CACNB4: variants seen among roughly 807,000 people sequenced by gnomAD.
CACNB4 encodes the protein voltage-dependent L-type calcium channel subunit beta-4.
A neutral mutation model predicts 71.2 loss-of-function variants in CACNB4; 32 were observed. The observed-to-expected ratio is 0.45, with a 90% confidence interval of 0.34 to 0.60. The LOEUF (loss-of-function observed/expected upper bound fraction) is 0.60, where lower values mean the gene tolerates loss of function less well. Among genes scored for constraint, CACNB4 ranks in the 20% least tolerant of loss-of-function variants. The probability of loss-of-function intolerance (pLI) is 0.01; values close to 1 mark genes in which losing one functional copy is unlikely to be tolerated. For synonymous variants in CACNB4, 231 were observed against 236.9 expected, an observed-to-expected ratio of 0.97 and a Z score of 0.23; for missense variants, 464 against 647.9, an observed-to-expected ratio of 0.72 and a Z score of 3.08.
intron 2 of CACNB4, among the ~76,000 whole-genome samples, chr2:152,061,204 C>T (rs547835830): frequency 1.3e-5 from 2 of 151,826 alleles, no homozygotes; most frequent in South Asian, 2.1e-4. Context: ...CCCAGCTACT[C>T]GGGAGGCTAG....
intron 2 of CACNB4, among the ~76,000 whole-genome samples, chr2:151,905,277 G>A (rs1347300413): frequency 6.6e-6 from 1 of 152,130 alleles, no homozygotes; most frequent in African/African-American, 2.4e-5. Flanking sequence ...GCTACTCATT[G>A]CCATTTCATT....
At chr2:152,034,740 C>T (rs1003425443) in intron 2 of CACNB4, among the ~76,000 whole-genome samples, 14 of 152,280 alleles carry the variant, frequency 9.2e-5, no homozygotes, top group African/African-American at 3.4e-4. Flanking sequence ...ACAGCACCCC[C>T]ACAGTGCTCT....
intron 12 of CACNB4, among the ~76,000 whole-genome samples, chr2:151,847,099 CAAAA>C (rs397766580): frequency 2.3e-4 from 18 of 79,770 alleles, no homozygotes; most frequent in African/African-American, 5.2e-4. Flanking sequence ...AAACTGACAC[CAAAA>C]AAAAAAAAAA....
intron 2 of CACNB4, among the ~76,000 whole-genome samples, chr2:152,088,634 C>A (rs1391851792): frequency 6.6e-6 from 1 of 152,182 alleles, no homozygotes; most frequent in Non-Finnish European, 1.5e-5. Flanking sequence ...GAAATAGACA[C>A]GATTTGTCAT....
intron 2 of CACNB4, among the ~76,000 whole-genome samples, chr2:152,041,615 G>A (rs562830787): frequency 6.6e-6 from 1 of 152,254 alleles, no homozygotes; most frequent in South Asian, 2.1e-4. Context: ...ACTGCAGGAA[G>A]AAAGAAGCAT....
chr2:151,984,269 T>C (rs927158017), intron 2 of CACNB4, among the ~76,000 whole-genome samples: 8 of 152,064 alleles, frequency 5.3e-5, no homozygotes, highest in African/African-American at 1.9e-4. Flanking sequence ...CCAGGGAAAA[T>C]TCATAAATAC....
intron 2 of CACNB4, among the ~76,000 whole-genome samples, chr2:152,060,033 T>C (rs1355948742): frequency 6.6e-6 from 1 of 152,230 alleles, no homozygotes; most frequent in Admixed American, 6.5e-5. Context: ...TCTGCCATGT[T>C]TGTAAGTTTC....
upstream of CACNB4, chr2:152,099,122 A>G (rs1688454426): frequency 6.3e-6 from 4 of 632,574 alleles, no homozygotes; most frequent in Non-Finnish European, 7.8e-6. Flanking sequence ...ACCCGGCTCC[A>G]GGACCCGCGC....
intron 5 of CACNB4, among the ~76,000 whole-genome samples, chr2:151,875,995 G>T (rs1578581660): frequency 1.4e-5 from 2 of 144,548 alleles, no homozygotes; most frequent in African/African-American, 2.5e-5. Context: ...CCTCCCTCCC[G>T]GACGGGGCGG....
At chr2:151,949,589 G>T (rs1019163764) in intron 2 of CACNB4, among the ~76,000 whole-genome samples, 20 of 152,110 alleles carry the variant, frequency 1.3e-4, no homozygotes, top group African/African-American at 4.8e-4. Flanking sequence ...ATGCAAGGAT[G>T]GCTGTGAGAA....
intron 2 of CACNB4, among the ~76,000 whole-genome samples, chr2:151,917,316 C>A (rs2099857770): frequency 6.6e-6 from 1 of 152,066 alleles, no homozygotes; most frequent in African/African-American, 2.4e-5. Flanking sequence ...TTAGTATAAT[C>A]CCTATATAAG....
At chr2:151,987,465 C>T (rs965347779) in intron 2 of CACNB4, among the ~76,000 whole-genome samples, 1 of 152,118 alleles carries the variant, frequency 6.6e-6, no homozygotes, top group Non-Finnish European at 1.5e-5. Context: ...AGCCTCAGGA[C>T]AGAAAAGCCT....
intron 12 of CACNB4, among the ~76,000 whole-genome samples, chr2:151,846,432 T>C (rs976395743): frequency 5.9e-5 from 9 of 152,212 alleles, no homozygotes; most frequent in African/African-American, 1.9e-4. Flanking sequence ...TTAAAACTAA[T>C]GCATATTGTC....
chr2:151,842,103 A>G lies in CACNB4; in HGVS notation c.1117-15T>C. On this transcript the variant is annotated splice_polypyrimidine_tract_variant and intron_variant, in intron 12 of 13. Coordinates refer to ENST00000539935, the MANE Select transcript of CACNB4 (RefSeq NM_000726.5). ...TCAAACATTTCCTGTAGATGACAAG[A>G]AAATCCACTTTACTTCCATTTTAGG... 1 of 1,610,328 alleles carries G rather than the reference A, an allele frequency of 6.2e-7. No individual in the cohort carries two copies. Among genetic ancestry groups the G allele is most frequent in the South Asian group, 1.1e-5 (1 of 90,950 alleles).
intron 2 of CACNB4, among the ~76,000 whole-genome samples, chr2:151,884,634 CAAAAAAAAAAAA>C (rs35506114): frequency 1.6e-5 from 1 of 61,508 alleles, no homozygotes; most frequent in Non-Finnish European, 2.9e-5. Context: ...GACTCCGTCT[CAAAAAAAAAAAA>C]AAAAAAAAAA....
At chr2:152,090,258 C>G (rs1335721412) in intron 2 of CACNB4, among the ~76,000 whole-genome samples, 1 of 152,226 alleles carries the variant, frequency 6.6e-6, no homozygotes, top group Non-Finnish European at 1.5e-5. Context: ...CCAGGGTTGA[C>G]CCTGTCTGGG....
At chr2:151,969,443 T>C (rs1376377391) in intron 2 of CACNB4, 1 of 152,238 alleles carries the variant, frequency 6.6e-6, no homozygotes, top group Admixed American at 6.5e-5. Context: ...CTTTACTATA[T>C]CTTTGAAAGG....
chr2:152,090,325 C>T (rs1687900620), intron 2 of CACNB4, among the ~76,000 whole-genome samples: 1 of 152,266 alleles, frequency 6.6e-6, no homozygotes, highest in Non-Finnish European at 1.5e-5. Context: ...TTTCAGCTTA[C>T]ATTTCCACAC....
chr2:152,018,144 C>T (rs1387871628), intron 2 of CACNB4, among the ~76,000 whole-genome samples: 2 of 152,028 alleles, frequency 1.3e-5, no homozygotes, highest in Non-Finnish European at 2.9e-5. Flanking sequence ...TTTTTACACA[C>T]AATTCTAAGA....
Sources: gnomAD v4.1 joint callset for allele counts (sites outside exome capture counted in the v4.1 genomes callset) on GRCh38, gnomAD v4.1.1 for gene constraint, MANE v1.5 for transcripts, NCBI Gene and HGNC (gene_info 2026-07-23, HGNC 2026-07-21) for gene names.